NDUFAF7: variants seen among roughly 807,000 people sequenced by gnomAD.
NDUFAF7 encodes the protein NADH:ubiquinone oxidoreductase complex assembly factor 7.
In NDUFAF7, 48 loss-of-function variants were observed where a neutral mutation model predicts 47.2. That is an observed-to-expected ratio of 1.02 (90% confidence interval 0.81 to 1.29). The LOEUF (loss-of-function observed/expected upper bound fraction) is 1.29, where lower values mean the gene tolerates loss of function less well. Among genes scored for constraint, NDUFAF7 ranks in the 50% most tolerant of loss-of-function variants. The pLI is 0.00. For missense variants in NDUFAF7, 635 were observed against 537.6 expected (o/e 1.18, Z -1.79); for synonymous variants, 217 against 190.0 (o/e 1.14, Z -1.17).
rs1175933313 is a variant in NDUFAF7, at chr2:37,233,621, CA to C, written c.216+1374del. Reference sequence around the variant, plus strand: ...TGGGCAACAGAGCGAGACTCTGTCTCAAAAAAAAAAAAAAAAAAAGTGAGCC... The same window carrying C: ...TGGGCAACAGAGCGAGACTCTGTCTCAAAAAAAAAAAAAAAAAAGTGAGCC... On this transcript the variant is annotated intron_variant, in intron 2 of 9. Transcript: ENST00000002125. Among the ~76,000 whole-genome samples, 349 of 62,500 alleles carry C rather than the reference CA, an allele frequency of 5.6e-3. 2 individuals are homozygous for C. Among genetic ancestry groups the C allele is most frequent in the African/African-American group, 0.015 (252 of 17,024 alleles). The allele number at this position is 62,500 out of a possible 152,430, so 41.0% of individuals were successfully genotyped here.
At chr2:37,255,312 A>G (rs1176008725), downstream of NDUFAF7, among the ~76,000 whole-genome samples, 88 of 151,698 alleles carry the variant, frequency 5.8e-4, no homozygotes, top group Non-Finnish European at 1.0e-4. Context: ...ACTTTTGGAA[A>G]AACAAAAAAG....
At chr2:37,267,836 GT>G in the NDUFAF7 span, 1 of 284,864 alleles carries the variant, frequency 3.5e-6, no homozygotes, top group Non-Finnish European at 6.6e-6. Flanking sequence ...CCCTGACCTA[GT>G]CCTTCAGAGA....
In NDUFAF7 at chr2:37,243,613, C is replaced by T. The variant is rs78264084; in HGVS notation, c.682-250C>T. Among the ~76,000 whole-genome samples the T allele has an allele frequency of 0.095, 14,405 of 152,074 alleles. 1,082 individuals carry two copies. Among genetic ancestry groups the T allele is most frequent in the East Asian group, 0.34 (1,768 of 5,158 alleles). On this transcript the variant is annotated intron_variant, in intron 6 of 9. Coordinates refer to ENST00000002125, the MANE Select transcript of NDUFAF7 (RefSeq NM_144736.5). ...TGGCTGTTCTTCCTGAGTCTATTTC[C>T]GTTTTTGGGGTACTTTCCATGCTGC...
chr2:37,266,489 CT>C, the NDUFAF7 span, among the ~76,000 whole-genome samples: 156 of 129,722 alleles, frequency 1.2e-3, no homozygotes, highest in Middle Eastern at 4.2e-3. Flanking sequence ...CCACACCCGG[CT>C]TTTTTTTTTT....
chr2:37,262,078 T>G, the NDUFAF7 span, among the ~76,000 whole-genome samples: 95 of 152,314 alleles, frequency 6.2e-4, no homozygotes, highest in Admixed American at 1.1e-3. Flanking sequence ...ATCTACTTAG[T>G]TATTTTCAAA....
chr2:37,260,115 G>C, the NDUFAF7 span: 2 of 1,003,090 alleles, frequency 2.0e-6, no homozygotes, highest in East Asian at 2.6e-5. Context: ...CAGTGAGCCA[G>C]ATTGCACCAC....
At position 37,247,465 on chromosome 2, in the gene NDUFAF7, G is replaced by C; in HGVS notation, c.946G>C (p.Asp316His). 1.2e-6 allele frequency: 2 copies of C among 1,613,824 alleles called. No homozygotes were observed. The highest frequency in any genetic ancestry group is 8.5e-7 in the Non-Finnish European group (1 of 1,179,912). The change falls in exon 9 of 10, where the codon GAC (aspartate) becomes CAC (histidine). Residue 316 changes from aspartate to histidine, a missense_variant. Coordinates refer to ENST00000002125, the MANE Select transcript of NDUFAF7 (RefSeq NM_144736.5). ...TTTCTTTATGTTCAAGGGGTTTTGC[G>C]ACCACAAGCTTCATGATGTCTTAAT... ...TKTDTFRGFC[D>H]HKLHDVLIAP...
chr2:37,256,122 T>C (rs1172219921), downstream of NDUFAF7, among the ~76,000 whole-genome samples: 6 of 151,980 alleles, frequency 3.9e-5, no homozygotes, highest in Non-Finnish European at 7.4e-5. Flanking sequence ...AATTAAGGGG[T>C]CCTCGAATTT....
chr2:37,261,123 G>T, the NDUFAF7 span, among the ~76,000 whole-genome samples: 1 of 152,166 alleles, frequency 6.6e-6, no homozygotes, highest in African/African-American at 2.4e-5. Context: ...CCTGGTTTCA[G>T]TCTTCCAATT....
chr2:37,238,529 T>C (rs556361868), intron 4 of NDUFAF7, among the ~76,000 whole-genome samples: 3 of 151,666 alleles, frequency 2.0e-5, no homozygotes, highest in Admixed American at 2.0e-4. Context: ...GGTGGGAGGA[T>C]TGCTTGAGGC....
chr2:37,258,906 C>G, the NDUFAF7 span, among the ~76,000 whole-genome samples: 3 of 152,066 alleles, frequency 2.0e-5, no homozygotes, highest in East Asian at 5.8e-4. Context: ...TTGAGCTGAT[C>G]GGAGGAATCA....
At chr2:37,250,598 C>CTGTT (rs1667409196), downstream of NDUFAF7, 1 of 152,086 alleles carries the variant, frequency 6.6e-6, no homozygotes, top group Non-Finnish European at 1.5e-5. Context: ...TTTACAAATA[C>CTGTT]TGTTTCCAAA....
At chr2:37,260,445 T>G in the NDUFAF7 span, 1 of 1,424,472 alleles carries the variant, frequency 7.0e-7, no homozygotes, top group Non-Finnish European at 9.9e-7. Context: ...TACTAATATC[T>G]AGATGTGCTA....
downstream of NDUFAF7, chr2:37,254,347 T>C: frequency 7.5e-7 from 1 of 1,338,942 alleles, no homozygotes; most frequent in Non-Finnish European, 1.1e-6. Flanking sequence ...ACCCCAAACT[T>C]GTGACTGCCT....
intron 5 of NDUFAF7, chr2:37,242,021 A>C (rs1666401157): frequency 1.7e-6 from 1 of 571,512 alleles, no homozygotes; most frequent in African/African-American, 1.9e-5. Flanking sequence ...CCCAAACAAA[A>C]TGTAAATCTC....
At position 37,248,672 on chromosome 2, in the gene NDUFAF7, T is replaced by C. The variant is rs959729920; in HGVS notation, c.*322T>C. 4 of 354,518 alleles carry C rather than the reference T, an allele frequency of 1.1e-5. No individual in the cohort carries two copies. Among genetic ancestry groups the C allele is most frequent in the Non-Finnish European group, 2.2e-5 (4 of 183,250 alleles). 22.0% of individuals were successfully genotyped at this position (354,518 alleles called of 1,614,324 possible). A position where few individuals can be genotyped will look rare whatever the true frequency, so the allele number is the denominator to read the frequency against. On this transcript the variant is annotated 3_prime_UTR_variant, in exon 10 of 10. Coordinates refer to ENST00000002125, the MANE Select transcript of NDUFAF7 (RefSeq NM_144736.5). ...GCTCATGCCTGTAATCCCAGCACTT[T>C]GGGAGGCTGAGGTGGGCATATCACC...
chr2:37,266,489 C>CTT, the NDUFAF7 span, among the ~76,000 whole-genome samples: 47 of 129,858 alleles, frequency 3.6e-4, no homozygotes, highest in East Asian at 1.3e-3. Context: ...CCACACCCGG[C>CTT]TTTTTTTTTT....
chr2:37,270,469 T>C, the NDUFAF7 span, among the ~76,000 whole-genome samples: 1 of 152,084 alleles, frequency 6.6e-6, no homozygotes, highest in Non-Finnish European at 1.5e-5. Context: ...CCTCTATCTT[T>C]CCTCACTGCT....
intron 2 of NDUFAF7, among the ~76,000 whole-genome samples, chr2:37,235,827 T>C (rs1665694908): frequency 6.6e-6 from 1 of 152,024 alleles, no homozygotes; most frequent in South Asian, 2.1e-4. Flanking sequence ...GCTAATTTTT[T>C]TGTATTGTTT....
Sources: gnomAD v4.1 joint callset for allele counts (sites outside exome capture counted in the v4.1 genomes callset) on GRCh38, gnomAD v4.1.1 for gene constraint, MANE v1.5 for transcripts, NCBI Gene and HGNC (gene_info 2026-07-23, HGNC 2026-07-21) for gene names.